The following SFI1 variants were observed in gnomAD, a reference collection of about 807,000 sequenced individuals.
The protein encoded by SFI1 is protein SFI1 homolog.
In SFI1, 195 loss-of-function variants were observed where a neutral mutation model predicts 207.5. That is an observed-to-expected ratio of 0.94 (90% CI 0.84 to 1.06). The LOEUF (loss-of-function observed/expected upper bound fraction) is 1.06, where lower values mean the gene tolerates loss of function less well. Ranked by LOEUF, SFI1 falls within the 50% of genes least tolerant of loss-of-function variation. The pLI is 0.00. For missense variants in SFI1, 1,634 were observed against 1,588.0 expected (o/e 1.03, Z -0.49); for synonymous variants, 630 against 598.9 (o/e 1.05, Z -0.76).
chr22:31,533,219 C>T (rs919684614), intron 4 of SFI1, among the ~76,000 whole-genome samples: 2 of 152,086 alleles, frequency 1.3e-5, no homozygotes, highest in Admixed American at 6.6e-5. Flanking sequence ...TACAAAGTAG[C>T]CAATGAAGGT....
chr22:31,604,719 TG>T, intron 19 of SFI1, 149 bp from the exon 20 acceptor site: 1 of 654,510 alleles, frequency 1.5e-6, no homozygotes, highest in Non-Finnish European at 2.6e-6. Context: ...GAGGGTCTGC[TG>T]GCCCTGGGAC....
chr22:31,577,001 G>A (rs1046089295), intron 10 of SFI1, among the ~76,000 whole-genome samples: 7 of 152,100 alleles, frequency 4.6e-5, no homozygotes, highest in Admixed American at 4.6e-4. Context: ...AATTTGGACT[G>A]CCTAGGATGT....
chr22:31,517,126 T>C lies in SFI1; in HGVS notation c.92+8750T>C, dbSNP rs1409410238. Among the ~76,000 whole-genome samples the C allele has an allele frequency of 2.0e-5, 3 of 151,804 alleles. 1 individual carries two copies. The highest frequency in any genetic ancestry group is 7.3e-5 in the African/African-American group (3 of 41,276). On this transcript the variant is annotated intron_variant, in intron 2 of 32. Coordinates refer to ENST00000400288, the MANE Select transcript of SFI1 (RefSeq NM_001007467.3). ...TCCAGCCTGGGTGACAGAGTGAGAC[T>C]CTGTCTCAAAAAAAAAAGAAAAAAA...
In SFI1 at chr22:31,550,278, C is replaced by T. The variant is rs781246552; in HGVS notation, c.474C>T (p.Phe158=). The part of the protein sequence containing the change: ...HYRYYLYNLM[F]QTWKTYVRQQ... ...GGTATTACCTGTACAACCTGATGTT[C>T]CAGACGTGGAAGACCTATGTGCGTC... is the stretch of plus-strand genomic sequence containing the variant. Residue 158 remains phenylalanine, a synonymous_variant, in exon 6 of 33, where the codon TTC becomes TTT. Coordinates refer to ENST00000400288, the MANE Select transcript of SFI1 (RefSeq NM_001007467.3). 2 of 1,614,000 alleles carry T rather than the reference C, an allele frequency of 1.2e-6. No individual in the cohort carries two copies. Among genetic ancestry groups the T allele is most frequent in the Non-Finnish European group, 1.7e-6 (2 of 1,179,968 alleles).
At chr22:31,532,089 A>C (rs1383027543) in intron 4 of SFI1, among the ~76,000 whole-genome samples, 1 of 152,010 alleles carries the variant, frequency 6.6e-6, no homozygotes, top group Admixed American at 6.6e-5. Flanking sequence ...TAAAAATAAG[A>C]ATAAAAAAGA....
At chr22:31,592,892 TG>T (rs1212409854) in intron 15 of SFI1, among the ~76,000 whole-genome samples, 2 of 116,222 alleles carry the variant, frequency 1.7e-5, no homozygotes, top group South Asian at 2.9e-4. Flanking sequence ...ACGGGCTGGC[TG>T]GCCGGGCTGA....
At chr22:31,526,663 C>G (rs1156580923) in intron 2 of SFI1, among the ~76,000 whole-genome samples, 1 of 151,818 alleles carries the variant, frequency 6.6e-6, no homozygotes, top group Non-Finnish European at 1.5e-5. Flanking sequence ...TCAAGTGATT[C>G]TCGTGCCCCA....
chr22:31,614,465 TTGAC>T (rs1053189262), intron 27 of SFI1: 25 of 512,244 alleles, frequency 4.9e-5, no homozygotes, highest in East Asian at 1.8e-4. Flanking sequence ...TCCTCACTGT[TTGAC>T]TGACCTTGAT....
chr22:31,611,893 G>A, intron 24 of SFI1, 53 bp downstream of exon 24: 1 of 1,606,484 alleles, frequency 6.2e-7, no homozygotes, highest in Non-Finnish European at 8.5e-7. Flanking sequence ...CCTCTGGCCT[G>A]TGAGGCCTGG....
At chr22:31,570,068 ATTCTT>A (rs2062790901) in intron 8 of SFI1, among the ~76,000 whole-genome samples, 1 of 151,952 alleles carries the variant, frequency 6.6e-6, no homozygotes, top group Non-Finnish European at 1.5e-5. Context: ...AGTGAGCCGT[ATTCTT>A]GCCATTGCAC....
intron 1 of SFI1, among the ~76,000 whole-genome samples, chr22:31,502,983 A>G (rs1306395585): frequency 7.1e-6 from 1 of 140,606 alleles, no homozygotes; most frequent in Non-Finnish European, 1.5e-5. Context: ...TGAACCCAGG[A>G]GGCAGAGTTT....
intron 15 of SFI1, among the ~76,000 whole-genome samples, chr22:31,589,910 C>T (rs1419536369): frequency 3.3e-5 from 5 of 151,652 alleles, no homozygotes; most frequent in African/African-American, 1.2e-4. Flanking sequence ...GAGGAATTGA[C>T]TTACACTATT....
chr22:31,608,015 C>T lies in SFI1; in HGVS notation c.2236C>T (p.Gln746Ter). The T allele has an allele frequency of 6.2e-7, 1 of 1,613,836 alleles. No homozygotes were observed. Among genetic ancestry groups the T allele is most frequent in the South Asian group, 1.1e-5 (1 of 91,072 alleles). ...GGAGGACTGTGCCATCTGGGAGGCC[C>T]AGAAGGTGCTGGACAGGGGTAAGTG... ...QQEDCAIWEA[Q>*]KVLDRGCLRT... Residue 746 changes from glutamine to a stop codon, truncating the protein, a stop_gained, in exon 22 of 33, where the codon CAG becomes TAG. Coordinates refer to ENST00000400288, the MANE Select transcript of SFI1 (RefSeq NM_001007467.3). LOFTEE classifies it high-confidence loss of function.
At chr22:31,557,757 A>C (rs1439862838) in intron 7 of SFI1, among the ~76,000 whole-genome samples, 10 of 152,202 alleles carry the variant, frequency 6.6e-5, no homozygotes, top group Non-Finnish European at 2.9e-5. Flanking sequence ...TGCCTAGCAC[A>C]TACAGGTTGT....
chr22:31,602,365 C>T, intron 16 of SFI1, 72 bp downstream of exon 16: 1 of 1,466,814 alleles, frequency 6.8e-7, no homozygotes, highest in Non-Finnish European at 9.5e-7. Context: ...CACGGCCTCC[C>T]CTCCTCAGGA....
chr22:31,509,337 C>T (rs2055147667), intron 2 of SFI1, among the ~76,000 whole-genome samples: 1 of 152,172 alleles, frequency 6.6e-6, no homozygotes. Context: ...AGTCCCAATA[C>T]CTCAAAAATA....
rs1017210076 is a variant in SFI1 at position 31,532,166 on chromosome 22, T to C, written c.338+1037T>C. 2.0e-5 allele frequency among the ~76,000 whole-genome samples: 3 copies of C among 152,138 alleles called. No homozygotes were observed. The East Asian group carries it at 5.8e-4, about 29-fold the overall frequency. On this transcript the variant is annotated intron_variant, in intron 4 of 32. Transcript: ENST00000400288. ...AAAAGTGTTTGCCCAAGAGAAGTAA[T>C]TGAGCTCTTTCAGGGCACTGGTGAG...
intron 15 of SFI1, among the ~76,000 whole-genome samples, chr22:31,597,095 A>G (rs746897640): frequency 6.6e-6 from 1 of 152,208 alleles, no homozygotes; most frequent in African/African-American, 2.4e-5. Flanking sequence ...GAAAACATGC[A>G]CACACAGTAC....
At chr22:31,548,040 C>A in intron 5 of SFI1, among the ~76,000 whole-genome samples, 1 of 151,360 alleles carries the variant, frequency 6.6e-6, no homozygotes, top group East Asian at 2.0e-4. Flanking sequence ...TGGTGAAACC[C>A]CGTCTCTACT....
Sources: allele counts gnomAD v4.1 joint callset (sites outside exome capture counted in the v4.1 genomes callset), GRCh38; gene constraint gnomAD v4.1.1; transcripts MANE v1.5; gene names NCBI Gene and HGNC (gene_info 2026-07-23, HGNC 2026-07-21).